The following VPS35L variants were observed in gnomAD, a reference collection of about 807,000 sequenced individuals.
VPS35L encodes the protein VPS35 endosomal protein-sorting factor-like.
VPS35L carries 83 observed loss-of-function variants against 133.0 expected under a neutral mutation model. The ratio of observed to expected loss-of-function variants is 0.62; its 90% CI spans 0.52 to 0.75. The LOEUF (loss-of-function observed/expected upper bound fraction) is 0.75, where lower values mean the gene tolerates loss of function less well. Ranked by LOEUF, VPS35L falls within the 30% of genes least tolerant of loss-of-function variation. VPS35L has a pLI of 0.00. For synonymous variants in VPS35L, 423 were observed against 449.9 expected, an observed-to-expected ratio of 0.94 and a Z score of 0.76; for missense variants, 1,083 against 1,206.8, an observed-to-expected ratio of 0.90 and a Z score of 1.52.
At chr16:19,645,971 T>G (rs572351807) in intron 23 of VPS35L, among the ~76,000 whole-genome samples, 18 of 152,224 alleles carry the variant, frequency 1.2e-4, no homozygotes, top group African/African-American at 3.9e-4. Flanking sequence ...TTTTGCTGTT[T>G]TTTTTGGGGG....
At chr16:19,571,392 T>A (rs1971380511) in intron 3 of VPS35L, among the ~76,000 whole-genome samples, 2 of 151,940 alleles carry the variant, frequency 1.3e-5, no homozygotes, top group South Asian at 2.1e-4. Context: ...AATTTTGGAT[T>A]TTTTGGTAGA....
intron 7 of VPS35L, among the ~76,000 whole-genome samples, chr16:19,590,120 C>T (rs1476329784): frequency 1.6e-5 from 2 of 125,908 alleles, no homozygotes; most frequent in African/African-American, 5.7e-5. Context: ...ATTGTTTTTA[C>T]AGCTTACATT....
chr16:19,624,546 C>T (rs1441937713), intron 14 of VPS35L, among the ~76,000 whole-genome samples: 3 of 152,092 alleles, frequency 2.0e-5, no homozygotes, highest in Non-Finnish European at 4.4e-5. Flanking sequence ...GATCGCGTCA[C>T]TGCACTCCAG....
chr16:19,675,675 G>A (rs1392117739), intron 27 of VPS35L, among the ~76,000 whole-genome samples: 2 of 151,922 alleles, frequency 1.3e-5, no homozygotes, highest in African/African-American at 4.8e-5. Flanking sequence ...TCAGCCTCCC[G>A]AGTAGCTGGA....
At chr16:19,581,711 G>A (rs759686748) in intron 7 of VPS35L, 58 bp downstream of exon 7, 3 of 1,555,942 alleles carry the variant, frequency 1.9e-6, no homozygotes, top group Non-Finnish European at 2.6e-6. Flanking sequence ...ATTCCACTGT[G>A]AGACTTAGAG....
intron 9 of VPS35L, chr16:19,607,797 C>T (rs1401820714): frequency 1.2e-5 from 2 of 172,934 alleles, no homozygotes; most frequent in Non-Finnish European, 2.5e-5. Flanking sequence ...CTAAGAATGT[C>T]GGCCGCAGGG....
At chr16:19,618,896 G>A (rs893566655) in intron 14 of VPS35L, among the ~76,000 whole-genome samples, 4 of 150,788 alleles carry the variant, frequency 2.7e-5, no homozygotes, top group Non-Finnish European at 3.0e-5. Context: ...TGGGGCCAGC[G>A]TAACTTATTT....
At chr16:19,571,917 T>C (rs1971397854) in intron 3 of VPS35L, among the ~76,000 whole-genome samples, 1 of 152,040 alleles carries the variant, frequency 6.6e-6, no homozygotes, top group South Asian at 2.1e-4. Context: ...AGAACAACCT[T>C]ATTATTTTGA....
At chr16:19,675,894 C>T (rs1297105867) in intron 27 of VPS35L, among the ~76,000 whole-genome samples, 7 of 151,984 alleles carry the variant, frequency 4.6e-5, no homozygotes, top group African/African-American at 1.7e-4. Context: ...GCTTTCCTAC[C>T]CACAGTATGA....
chr16:19,687,087 C>T (rs945246650), intron 28 of VPS35L, among the ~76,000 whole-genome samples: 1 of 152,154 alleles, frequency 6.6e-6, no homozygotes, highest in African/African-American at 2.4e-5. Flanking sequence ...GAGGGTAGGG[C>T]CAGGTCAGCC....
chr16:19,684,285 A>G (rs560058279), intron 28 of VPS35L, among the ~76,000 whole-genome samples: 4 of 152,254 alleles, frequency 2.6e-5, no homozygotes, highest in South Asian at 4.1e-4. Context: ...GCGGACCCTC[A>G]GTTCTAATTT....
chr16:19,555,853 C>G (rs551274054), intron 1 of VPS35L, 107 bp downstream of exon 1: 1 of 1,435,066 alleles, frequency 7.0e-7, no homozygotes, highest in Admixed American at 2.4e-5. Flanking sequence ...TTCTGGTGGT[C>G]GACCGGCCAC....
intron 7 of VPS35L, among the ~76,000 whole-genome samples, chr16:19,590,793 T>G (rs1161447654): frequency 6.6e-6 from 1 of 150,952 alleles, no homozygotes; most frequent in Admixed American, 6.6e-5. Flanking sequence ...TACATAAAAT[T>G]AAAGAAAAAA....
At chr16:19,564,628 A>C (rs537309320) in intron 1 of VPS35L, among the ~76,000 whole-genome samples, 1 of 152,094 alleles carries the variant, frequency 6.6e-6, no homozygotes, top group Non-Finnish European at 1.5e-5. Context: ...CAAACTCCTG[A>C]CCTCACGTGA....
chr16:19,685,930 C>G (rs1240293756), intron 28 of VPS35L, among the ~76,000 whole-genome samples: 21 of 152,160 alleles, frequency 1.4e-4, no homozygotes, highest in Non-Finnish European at 2.9e-5. Context: ...TCCTTCCTCT[C>G]CCTTAAACAG....
At chr16:19,568,150 T>C (rs1971245778) in intron 2 of VPS35L, among the ~76,000 whole-genome samples, 2 of 152,230 alleles carry the variant, frequency 1.3e-5, no homozygotes, top group South Asian at 4.2e-4. Flanking sequence ...AACAGTTTAT[T>C]ATTAAGGATA....
chr16:19,610,473 T>G, intron 12 of VPS35L, 58 bp downstream of exon 12: 1 of 1,379,474 alleles, frequency 7.2e-7, no homozygotes, highest in Non-Finnish European at 1.0e-6. Flanking sequence ...TCCTTGAATG[T>G]TCACACAGGG....
Position 19,628,722 on chromosome 16 carries a change from G to A in VPS35L, c.1469G>A (p.Trp490Ter). The A allele has an allele frequency of 6.3e-7, 1 of 1,591,482 alleles. No individual in the cohort carries two copies. Among genetic ancestry groups the A allele is most frequent in the Non-Finnish European group, 8.6e-7 (1 of 1,165,086 alleles). ...SDRLQILNEA[W>*]KVITKLKNPQ... Reference sequence around the variant, plus strand: ...CGACTTCAGATTCTCAACGAAGCTTGGAAAGTCATCACTAAGCTGAAGAAC... The same window carrying A: ...CGACTTCAGATTCTCAACGAAGCTTAGAAAGTCATCACTAAGCTGAAGAAC... The change falls in exon 17 of 31, where the codon TGG becomes TAG. Residue 490 changes from tryptophan (W) to a stop codon, truncating the protein, a stop_gained. Coordinates refer to ENST00000417362, the MANE Select transcript of VPS35L (RefSeq NM_020314.7). LOFTEE classifies it high-confidence loss of function.
At chr16:19,571,742 G>A (rs1386851300) in intron 3 of VPS35L, among the ~76,000 whole-genome samples, 1 of 151,096 alleles carries the variant, frequency 6.6e-6, no homozygotes, top group East Asian at 2.0e-4. Context: ...ACAAGGTTTC[G>A]TCACATTGGC....
Sources: gnomAD v4.1 joint callset for allele counts (sites outside exome capture counted in the v4.1 genomes callset) on GRCh38, gnomAD v4.1.1 for gene constraint, MANE v1.5 for transcripts, NCBI Gene and HGNC (gene_info 2026-07-23, HGNC 2026-07-21) for gene names.